Variants in WWOX observed in about 807,000 individuals in gnomAD.
WWOX encodes the protein WW domain containing oxidoreductase, also known as WW domain-containing oxidoreductase.
WWOX carries 69 observed loss-of-function variants against 46.2 expected under a neutral mutation model. The ratio of observed to expected loss-of-function variants is 1.49; its 90% confidence interval spans 1.23 to 1.82. The LOEUF is 1.82. WWOX is among the 40% of genes most tolerant of loss of function. The pLI is 0.00. For synonymous variants in WWOX, 359 were observed against 202.6 expected (o/e 1.77, Z -6.56); for missense variants, 919 against 542.6 (o/e 1.69, Z -6.89).
intron 5 of WWOX, among the ~76,000 whole-genome samples, chr16:78,376,881 G>T (rs111785256): frequency 1.3e-5 from 2 of 152,150 alleles, no homozygotes; most frequent in African/African-American, 4.8e-5. Context: ...GGATCATTCC[G>T]ATTTCCCAAG....
chr16:79,049,692 C>G (rs1397959120), intron 8 of WWOX, among the ~76,000 whole-genome samples: 1 of 152,014 alleles, frequency 6.6e-6, no homozygotes, highest in Non-Finnish European at 1.5e-5. Flanking sequence ...AAAAATTAGC[C>G]TGGCGTGGTG....
chr16:78,467,167 T>C (rs770216324), intron 8 of WWOX, among the ~76,000 whole-genome samples: 1 of 152,184 alleles, frequency 6.6e-6, no homozygotes, highest in African/African-American at 2.4e-5. Context: ...TTTCCTTCTT[T>C]TTAAAAAAAA....
intron 8 of WWOX, among the ~76,000 whole-genome samples, chr16:79,088,684 C>T (rs940594063): frequency 2.6e-5 from 4 of 152,158 alleles, no homozygotes; most frequent in African/African-American, 4.8e-5. Flanking sequence ...GTGGGTACAT[C>T]ATTTGTCAAA....
chr16:79,016,665 C>T (rs1013494582), intron 8 of WWOX: 2 of 103,232 alleles, frequency 1.9e-5, no homozygotes. Flanking sequence ...TCAGGTGATC[C>T]ACCTGCATCG....
At chr16:78,574,094 G>T (rs2044786634) in intron 8 of WWOX, among the ~76,000 whole-genome samples, 2 of 152,148 alleles carry the variant, frequency 1.3e-5, no homozygotes, top group Non-Finnish European at 1.5e-5. Context: ...CTGACTGTTG[G>T]CTGTTGGCTG....
intron 8 of WWOX, among the ~76,000 whole-genome samples, chr16:78,622,103 G>A (rs925377898): frequency 6.6e-6 from 1 of 151,956 alleles, no homozygotes; most frequent in Non-Finnish European, 1.5e-5. Context: ...ATCATACCTG[G>A]GCAGCAGATA....
At chr16:78,311,109 A>G (rs193122788) in intron 5 of WWOX, among the ~76,000 whole-genome samples, 5 of 152,282 alleles carry the variant, frequency 3.3e-5, no homozygotes, top group Admixed American at 6.5e-5. Flanking sequence ...GAAAAATACC[A>G]GACATCCTGT....
chr16:78,856,250 C>G (rs897994521), intron 8 of WWOX, among the ~76,000 whole-genome samples: 16 of 152,156 alleles, frequency 1.1e-4, no homozygotes, highest in African/African-American at 3.6e-4. Flanking sequence ...TGGAAAGGGC[C>G]TTGCAACAGG....
intron 4 of WWOX, among the ~76,000 whole-genome samples, chr16:78,158,982 T>C (rs2034694987): frequency 6.6e-6 from 1 of 152,172 alleles, no homozygotes; most frequent in African/African-American, 2.4e-5. Flanking sequence ...TTTGCCTCTA[T>C]GAGTTTGAGT....
chr16:78,544,754 G>A (rs1049244431), intron 8 of WWOX, among the ~76,000 whole-genome samples: 7 of 151,888 alleles, frequency 4.6e-5, no homozygotes, highest in Non-Finnish European at 7.4e-5. Context: ...GCACTCCTGT[G>A]GTTCCAGCTA....
intron 8 of WWOX, among the ~76,000 whole-genome samples, chr16:79,005,753 C>T (rs1321892497): frequency 6.6e-6 from 1 of 152,202 alleles, no homozygotes; most frequent in African/African-American, 2.4e-5. Flanking sequence ...TCTGCAAAGA[C>T]CCTATTTCCA....
intron 8 of WWOX, among the ~76,000 whole-genome samples, chr16:79,173,032 A>G (rs2050732016): frequency 6.6e-6 from 1 of 152,162 alleles, no homozygotes; most frequent in South Asian, 2.1e-4. Context: ...AAATAAGTAA[A>G]TAAATGCCTC....
chr16:78,848,616 G>C (rs1466752486), intron 8 of WWOX, among the ~76,000 whole-genome samples: 1 of 152,096 alleles, frequency 6.6e-6, no homozygotes, highest in Admixed American at 6.5e-5. Context: ...GGAAGGGCAG[G>C]AGTATCTAAG....
chr16:78,616,306 A>T (rs766480217), intron 8 of WWOX, among the ~76,000 whole-genome samples: 25 of 152,092 alleles, frequency 1.6e-4, no homozygotes, highest in Non-Finnish European at 1.5e-4. Flanking sequence ...TGAATAATAT[A>T]TAAACAACGG....
At chr16:78,620,170 T>G (rs1219144680) in intron 8 of WWOX, among the ~76,000 whole-genome samples, 2 of 152,210 alleles carry the variant, frequency 1.3e-5, no homozygotes, top group Non-Finnish European at 2.9e-5. Context: ...AATAATACTA[T>G]ACCTTTTGGT....
chr16:79,013,666 G>A (rs891812811), intron 8 of WWOX, among the ~76,000 whole-genome samples: 4 of 152,164 alleles, frequency 2.6e-5, no homozygotes, highest in South Asian at 4.2e-4. Flanking sequence ...TTTGCATCAC[G>A]TGGATACACT....
intron 8 of WWOX, among the ~76,000 whole-genome samples, chr16:78,977,872 C>T (rs1013350928): frequency 6.6e-6 from 1 of 152,158 alleles, no homozygotes; most frequent in Non-Finnish European, 1.5e-5. Flanking sequence ...TTTTTGTTTT[C>T]CCCTACTTTT....
chr16:79,172,123 C>G (rs1006395028), intron 8 of WWOX, among the ~76,000 whole-genome samples: 2 of 152,130 alleles, frequency 1.3e-5, no homozygotes, highest in African/African-American at 2.4e-5. Context: ...AGGCCAGGAA[C>G]TACATTTTCT....
intron 8 of WWOX, among the ~76,000 whole-genome samples, chr16:79,027,722 C>T (rs1486744220): frequency 6.6e-6 from 1 of 151,262 alleles, no homozygotes. Context: ...AATGACTCAT[C>T]CTTTTATACA....
Sources: allele counts gnomAD v4.1 joint callset (sites outside exome capture counted in the v4.1 genomes callset), GRCh38; gene constraint gnomAD v4.1.1; transcripts MANE v1.5; gene names NCBI Gene and HGNC (gene_info 2026-07-23, HGNC 2026-07-21).